The following DAAM1 variants were observed in gnomAD, a reference collection of about 807,000 sequenced individuals.
DAAM1 encodes dishevelled associated activator of morphogenesis 1.
DAAM1 carries 52 observed loss-of-function variants against 130.0 expected under a neutral mutation model. The observed-to-expected ratio is 0.40, with a 90% CI of 0.32 to 0.50. DAAM1 has a LOEUF of 0.50. Ranked by LOEUF, DAAM1 falls within the 20% of genes least tolerant of loss-of-function variation. The probability of loss-of-function intolerance (pLI) is 0.61; values close to 1 mark genes in which losing one functional copy is unlikely to be tolerated. For missense variants in DAAM1, 1,134 were observed against 1,303.8 expected, an observed-to-expected ratio of 0.87 and a Z score of 2.01; for synonymous variants, 452 against 444.5, an observed-to-expected ratio of 1.02 and a Z score of -0.21.
At position 59,331,410 on chromosome 14, in the gene DAAM1, C is replaced by G; in HGVS notation, c.1762C>G (p.Pro588Ala). Residue 588 changes from proline (P) to alanine (A), a missense_variant, in exon 14 of 25, where the codon CCA (proline) becomes GCA (alanine). By Grantham distance (27) the Pro-to-Ala change is conservative (BLOSUM62 -1). Transcript: ENST00000360909. The part of the protein sequence containing the change: ...PGPPPLGAIM[P>A]PPGAPMGLAL... ...GCCTCCTCCCTTAGGGGCAATCATG[C>G]CACCTCCTGGTGCTCCAATGGGCCT... 6.2e-7 allele frequency: 1 copy of G among 1,613,828 alleles called. No individual in the cohort carries two copies. The highest frequency in any genetic ancestry group is 8.5e-7 in the Non-Finnish European group (1 of 1,179,984).
rs115271629 is a variant in DAAM1, at chr14:59,356,796, C to T, written c.2525+1463C>T. 5.2e-3 allele frequency among the ~76,000 whole-genome samples: 799 copies of T among 152,350 alleles called. 9 individuals carry two copies. The highest frequency in any genetic ancestry group is 0.018 in the African/African-American group (760 of 41,584). ...ATCTGCTTATTTACTGAGGTTACTACAGAATTTACATAAAGTACAAGCCTT... is the reference window on the plus strand; with the variant it reads ...ATCTGCTTATTTACTGAGGTTACTATAGAATTTACATAAAGTACAAGCCTT... On this transcript the variant is annotated intron_variant, in intron 20 of 24. Coordinates refer to ENST00000360909, the MANE Select transcript of DAAM1 (RefSeq NM_001270520.2).
chr14:59,343,247 G>T (rs1418706841), intron 16 of DAAM1, among the ~76,000 whole-genome samples: 1 of 152,138 alleles, frequency 6.6e-6, no homozygotes, highest in East Asian at 1.9e-4. Context: ...TTTTTAGTTT[G>T]GTCTTTTGGT....
intron 1 of DAAM1, among the ~76,000 whole-genome samples, chr14:59,204,904 A>T (rs549925861): frequency 6.6e-6 from 1 of 152,322 alleles, no homozygotes; most frequent in African/African-American, 2.4e-5. Flanking sequence ...AAATCATCAG[A>T]ATGAATGGCA....
intron 15 of DAAM1, chr14:59,338,476 ATC>A: frequency 1.3e-6 from 2 of 1,573,278 alleles, no homozygotes; most frequent in Non-Finnish European, 1.7e-6. Context: ...TAAGCTTGAA[ATC>A]TCTTCGTTAT....
At chr14:59,263,313 T>C (rs1236461919) in intron 1 of DAAM1, 128 bp from the exon 2 acceptor site, 1 of 725,766 alleles carries the variant, frequency 1.4e-6, no homozygotes, top group East Asian at 2.7e-5. Context: ...GGTGTTGTTC[T>C]CTCTGTGCCC....
In DAAM1 at chr14:59,355,155, T is replaced by G. The variant is rs1334018667; in HGVS notation, c.2357-10T>G. The stretch of plus-strand genomic sequence containing the variant: ...TTGGTAATCATGTTTTTATGTGTTT[T>G]GTTTTGAAGCAATTCGTTCTGGCTC... On this transcript the variant is annotated splice_polypyrimidine_tract_variant and intron_variant, in intron 19 of 24. Transcript: ENST00000360909. 8 of 1,603,394 alleles carry G rather than the reference T, an allele frequency of 5.0e-6. No homozygotes were observed. Among genetic ancestry groups the G allele is most frequent in the Admixed American group, 1.7e-5 (1 of 57,738 alleles).
intron 3 of DAAM1, among the ~76,000 whole-genome samples, chr14:59,295,906 C>T (rs967701620): frequency 6.6e-6 from 1 of 152,122 alleles, no homozygotes; most frequent in African/African-American, 2.4e-5. Context: ...GTAAAGTGAG[C>T]ATTGGATTTC....
chr14:59,238,948 A>G (rs953895051), intron 1 of DAAM1, among the ~76,000 whole-genome samples: 18 of 152,216 alleles, frequency 1.2e-4, no homozygotes, highest in African/African-American at 4.3e-4. Flanking sequence ...GCTGGCTGAC[A>G]GGCAATGCAG....
intron 1 of DAAM1, among the ~76,000 whole-genome samples, chr14:59,203,727 A>G (rs553805012): frequency 6.6e-6 from 1 of 152,318 alleles, no homozygotes; most frequent in East Asian, 1.9e-4. Flanking sequence ...AAGCTTTCTT[A>G]TACTTTATAC....
At chr14:59,225,977 C>T (rs536250303) in intron 1 of DAAM1, among the ~76,000 whole-genome samples, 82 of 152,166 alleles carry the variant, frequency 5.4e-4, no homozygotes, top group African/African-American at 4.1e-4. Context: ...TCAAGCCCTA[C>T]GACATTGGGG....
At chr14:59,217,665 T>A (rs1888628546) in intron 1 of DAAM1, among the ~76,000 whole-genome samples, 1 of 151,936 alleles carries the variant, frequency 6.6e-6, no homozygotes, top group Non-Finnish European at 1.5e-5. Context: ...AGTGAGACCC[T>A]GTCGCTACAA....
chr14:59,328,416 G>A (rs1186389603), intron 12 of DAAM1, among the ~76,000 whole-genome samples: 1 of 152,226 alleles, frequency 6.6e-6, no homozygotes, highest in African/African-American at 2.4e-5. Context: ...ATACACTCTA[G>A]AGCATGGAGA....
chr14:59,338,541 G>C, intron 15 of DAAM1: 1 of 962,058 alleles, frequency 1.0e-6, no homozygotes, highest in Non-Finnish European at 1.6e-6. Flanking sequence ...CTAATGCCTA[G>C]GTAACTCCAC....
chr14:59,270,337 G>A (rs1351688834), intron 2 of DAAM1, among the ~76,000 whole-genome samples: 1 of 152,222 alleles, frequency 6.6e-6, no homozygotes, highest in Non-Finnish European at 1.5e-5. Context: ...GCAAAGAAAA[G>A]TCTGCATGTG....
chr14:59,244,882 G>A (rs1594777189), intron 1 of DAAM1, among the ~76,000 whole-genome samples: 1 of 152,184 alleles, frequency 6.6e-6, no homozygotes, highest in African/African-American at 2.4e-5. Context: ...TTTTTAAGAG[G>A]AGTATCCATA....
chr14:59,249,062 C>G (rs575576757), intron 1 of DAAM1, among the ~76,000 whole-genome samples: 171 of 152,320 alleles, frequency 1.1e-3, no homozygotes, highest in Non-Finnish European at 1.9e-3. Context: ...GCTGGGATTA[C>G]AGGCGTGAGC....
chr14:59,316,351 T>G (rs184142674), intron 4 of DAAM1, among the ~76,000 whole-genome samples: 3 of 152,352 alleles, frequency 2.0e-5, no homozygotes, highest in Non-Finnish European at 4.4e-5. Context: ...AAAAACTGAT[T>G]AGAATATGTG....
intron 1 of DAAM1, among the ~76,000 whole-genome samples, chr14:59,220,708 G>A (rs535651730): frequency 2.0e-5 from 3 of 152,120 alleles, no homozygotes; most frequent in Non-Finnish European, 4.4e-5. Context: ...GCTGGCAGAG[G>A]GGGATGGGGA....
rs551466737 is a variant in DAAM1, at chr14:59,300,700, G to C, written c.273+9394G>C. Reference sequence around the variant, plus strand: ...ACATAAATATAGTTGAAGCCCAAAGGTGACTGCTCTTCTGAAAGTGGTTTG... The same window carrying C: ...ACATAAATATAGTTGAAGCCCAAAGCTGACTGCTCTTCTGAAAGTGGTTTG... On this transcript the variant is annotated intron_variant, in intron 3 of 24. Transcript: ENST00000360909. 2.0e-5 allele frequency among the ~76,000 whole-genome samples: 3 copies of C among 152,054 alleles called. No homozygotes were observed. The South Asian group carries it at 6.2e-4, about 32-fold the overall frequency.
Sources: allele counts gnomAD v4.1 joint callset (sites outside exome capture counted in the v4.1 genomes callset), GRCh38; gene constraint gnomAD v4.1.1; transcripts MANE v1.5; gene names NCBI Gene and HGNC (gene_info 2026-07-23, HGNC 2026-07-21).